Variants in PRKACA observed in about 807,000 individuals in gnomAD.
PRKACA encodes cAMP-dependent protein kinase catalytic subunit alpha.
In PRKACA, 9 loss-of-function variants were observed where a neutral mutation model predicts 45.8. The ratio of observed to expected loss-of-function variants is 0.20; its 90% confidence interval spans 0.12 to 0.34. PRKACA has a LOEUF of 0.34. PRKACA is among the 10% of genes least tolerant of loss of function. PRKACA has a pLI of 1.00. For synonymous variants in PRKACA, 160 were observed against 178.6 expected, an observed-to-expected ratio of 0.90 and a Z score of 0.83; for missense variants, 238 against 458.6, an observed-to-expected ratio of 0.52 and a Z score of 4.39.
intron 9 of PRKACA, 87 bp downstream of exon 9, chr19:14,093,541 T>G: frequency 2.0e-6 from 3 of 1,481,944 alleles, no homozygotes; most frequent in South Asian, 1.3e-5. Context: ...TGAACCTGTG[T>G]TCTCTTCTCT....
chr19:14,113,255 A>G (rs535039628), intron 1 of PRKACA, among the ~76,000 whole-genome samples: 17 of 152,192 alleles, frequency 1.1e-4, no homozygotes, highest in African/African-American at 4.1e-4. Context: ...CCTTCTTTCC[A>G]GATCCCAAAA....
chr19:14,102,475 A>G (rs35095853), intron 4 of PRKACA, among the ~76,000 whole-genome samples: 29,604 of 152,118 alleles, frequency 0.19, 3,667 homozygotes, highest in African/African-American at 0.36. Context: ...CCACACATCA[A>G]GAAGTACTGA....
intron 5 of PRKACA, chr19:14,098,187 TA>T (rs1977321799): frequency 3.4e-6 from 1 of 295,578 alleles, no homozygotes; most frequent in Admixed American, 4.4e-5. Flanking sequence ...CTGATTATGT[TA>T]AGCAAAAGAA....
chr19:14,100,950 T>C (rs773543632), intron 4 of PRKACA, 42 bp from the exon 5 acceptor site: 7 of 1,579,826 alleles, frequency 4.4e-6, no homozygotes, highest in Non-Finnish European at 5.2e-6. Context: ...CCCCTGAGAC[T>C]TGGACCCGAT....
intron 1 of PRKACA, among the ~76,000 whole-genome samples, chr19:14,114,470 G>T (rs1300475509): frequency 6.6e-6 from 1 of 152,070 alleles, no homozygotes; most frequent in Non-Finnish European, 1.5e-5. Flanking sequence ...GATGTTACAC[G>T]GCACTAGTTC....
chr19:14,095,264 G>A (rs1266825958), intron 8 of PRKACA, among the ~76,000 whole-genome samples: 9 of 150,980 alleles, frequency 6.0e-5, no homozygotes, highest in South Asian at 4.2e-4. Flanking sequence ...TCTGCCTCCC[G>A]GTTTCAAGTG....
chr19:14,097,970 C>A lies in PRKACA; in HGVS notation c.420-80G>T, dbSNP rs34415768. 1.3e-6 allele frequency: 2 copies of A among 1,562,854 alleles called. No homozygotes were observed. Among genetic ancestry groups the A allele is most frequent in the Admixed American group, 1.8e-5 (1 of 56,692 alleles). ...AGCAGGTGGCCCTGCAGAGCCTACC[C>A]CAGAGGAAGACACCTCCAGTCCAGC... On this transcript the variant is annotated intron_variant, in intron 5 of 9. Coordinates refer to ENST00000308677, the MANE Select transcript of PRKACA (RefSeq NM_002730.4). This position sits in a 1 kb window ranked among gnomAD's most constrained non-coding sequence, Gnocchi z 5.4.
chr19:14,117,604 C>A lies in PRKACA; in HGVS notation c.-57G>T. The A allele has an allele frequency of 1.0e-6, 1 of 955,098 alleles. No homozygotes were observed. The highest frequency in any genetic ancestry group is 1.2e-6 in the Non-Finnish European group (1 of 803,996). 59.2% of individuals were successfully genotyped at this position (955,098 alleles called of 1,614,324 possible). On this transcript the variant is annotated 5_prime_UTR_variant, in exon 1 of 10. Coordinates refer to ENST00000308677, the MANE Select transcript of PRKACA (RefSeq NM_002730.4). ...GCTGCGGCGCGGCGGGTGCTGGCTGCGGCCGGCGGCCCCGGAGCGCGCTGG... is the reference window on the plus strand; with the variant it reads ...GCTGCGGCGCGGCGGGTGCTGGCTGAGGCCGGCGGCCCCGGAGCGCGCTGG...
At chr19:14,113,366 G>T (rs1221298135) in intron 1 of PRKACA, among the ~76,000 whole-genome samples, 1 of 152,184 alleles carries the variant, frequency 6.6e-6, no homozygotes, top group Non-Finnish European at 1.5e-5. Flanking sequence ...CCAGCTGCTG[G>T]CCTGTACAGC....
chr19:14,106,896 C>T lies in PRKACA; in HGVS notation c.109-8G>A. ...ATCCAAGTGGGCTGTGTTCTGTGGG[C>T]AGAGGGGTCGGTAGGCTCAGGGCAC... On this transcript the variant is annotated splice_polypyrimidine_tract_variant and splice_region_variant and intron_variant, in intron 2 of 9. Coordinates refer to ENST00000308677, the MANE Select transcript of PRKACA (RefSeq NM_002730.4). The T allele has an allele frequency of 6.2e-7, 1 of 1,614,048 alleles. No individual in the cohort carries two copies. The highest frequency in any genetic ancestry group is 8.5e-7 in the Non-Finnish European group (1 of 1,179,958).
chr19:14,093,120 C>G lies in PRKACA; in HGVS notation c.1048G>C (p.Glu350Gln). ...INEKCGKEFS[E>Q]F ...GGGGCACAGGCATGCCCCTAAAACT[C>G]AGAAAACTCCTTGCCACACTTCTCA... The change falls in exon 10 of 10, where the codon GAG (glutamate) becomes CAG (glutamine). Residue 350 changes from glutamate to glutamine, a missense_variant. Transcript: ENST00000308677. The G allele has an allele frequency of 2.6e-6, 4 of 1,524,948 alleles. No homozygotes were observed. Among genetic ancestry groups the G allele is most frequent in the Non-Finnish European group, 3.5e-6 (4 of 1,127,470 alleles). The allele number at this position is 1,524,948 out of a possible 1,614,324, so 94.5% of individuals were successfully genotyped here. A position where few individuals can be genotyped will look rare whatever the true frequency, so the allele number is the denominator to read the frequency against.
chr19:14,102,743 G>T (rs965512851), intron 4 of PRKACA, 73 bp downstream of exon 4: 5 of 1,327,114 alleles, frequency 3.8e-6, no homozygotes, highest in South Asian at 1.2e-5. Flanking sequence ...CCTCAGCTCC[G>T]ACCCCAGCCC....
At chr19:14,116,083 C>T (rs1260517169) in intron 1 of PRKACA, among the ~76,000 whole-genome samples, 4 of 152,196 alleles carry the variant, frequency 2.6e-5, no homozygotes. Context: ...GCTTTCATAC[C>T]TTTCTGGGAG....
chr19:14,098,057 C>T (rs1293690851), intron 5 of PRKACA, 167 bp from the exon 6 acceptor site: 1 of 769,464 alleles, frequency 1.3e-6, no homozygotes, highest in Non-Finnish European at 2.0e-6. Context: ...CCTGTGGGTC[C>T]ATCCACAGGA....
chr19:14,093,386 G>T, intron 9 of PRKACA, 149 bp from the exon 10 acceptor site: 1 of 1,185,400 alleles, frequency 8.4e-7, no homozygotes, highest in Non-Finnish European at 1.2e-6. Context: ...TTAACAGCCC[G>T]AAACTCTTAA....
At chr19:14,095,007 T>C (rs1047514054) in intron 8 of PRKACA, among the ~76,000 whole-genome samples, 1 of 152,224 alleles carries the variant, frequency 6.6e-6, no homozygotes, top group African/African-American at 2.4e-5. Flanking sequence ...GCCTCTCAGA[T>C]GTGGGGCAGA....
chr19:14,117,712 C>T lies in PRKACA; in HGVS notation c.-165G>A. 5.0e-6 allele frequency: 1 copy of T among 200,060 alleles called. No individual in the cohort carries two copies. Among genetic ancestry groups the T allele is most frequent in the Non-Finnish European group, 8.9e-6 (1 of 112,204 alleles). The allele number at this position is 200,060 out of a possible 1,614,324, so 12.4% of individuals were successfully genotyped here. On this transcript the variant is annotated 5_prime_UTR_variant, in exon 1 of 10. Transcript: ENST00000308677. ...CCCAGCCCCTGCTTCCCGCGTCTCTCCGCGCCCGCCCGCCCGGGAACCTCA... is the reference window on the plus strand; with the variant it reads ...CCCAGCCCCTGCTTCCCGCGTCTCTTCGCGCCCGCCCGCCCGGGAACCTCA...
At chr19:14,114,549 C>T (rs532842152) in intron 1 of PRKACA, among the ~76,000 whole-genome samples, 4 of 152,032 alleles carry the variant, frequency 2.6e-5, no homozygotes, top group South Asian at 4.2e-4. Flanking sequence ...TCCTGGGGAT[C>T]GGGGGCTCCC....
intron 8 of PRKACA, among the ~76,000 whole-genome samples, chr19:14,094,185 GA>G (rs940405502): frequency 0.22 from 13,079 of 58,974 alleles, 528 homozygotes; most frequent in Non-Finnish European, 0.26. Flanking sequence ...TTCTTTTTTT[GA>G]AAAAAAAAAA....
Sources: gnomAD v4.1 joint callset for allele counts (sites outside exome capture counted in the v4.1 genomes callset) on GRCh38, gnomAD v4.1.1 for gene constraint, Gnocchi (gnomAD v3.1) non-coding constraint, MANE v1.5 for transcripts, NCBI Gene and HGNC (gene_info 2026-07-23, HGNC 2026-07-21) for gene names.